Variants in TM9SF2 observed in about 807,000 individuals in gnomAD.
TM9SF2 encodes the protein transmembrane 9 superfamily member 2.
TM9SF2 carries 13 observed loss-of-function variants against 84.9 expected under a neutral mutation model. That is an observed-to-expected ratio of 0.15 (90% CI 0.10 to 0.24). The LOEUF is 0.24. Among genes scored for constraint, TM9SF2 ranks in the 10% least tolerant of loss-of-function variants. The pLI, the probability that TM9SF2 is intolerant of heterozygous loss-of-function variation, is 1.00. For synonymous variants in TM9SF2, 273 were observed against 285.8 expected (o/e 0.96, Z 0.45); for missense variants, 562 against 818.5 (o/e 0.69, Z 3.82).
At chr13:99,538,840 A>T (rs1566569723) in intron 6 of TM9SF2, among the ~76,000 whole-genome samples, 1 of 152,100 alleles carries the variant, frequency 6.6e-6, no homozygotes, top group African/African-American at 2.4e-5. Context: ...TTGAAGCTGC[A>T]GTGAGCCAAG....
At chr13:99,548,885 G>T (rs1268365559) in intron 11 of TM9SF2, among the ~76,000 whole-genome samples, 1 of 152,178 alleles carries the variant, frequency 6.6e-6, no homozygotes, top group African/African-American at 2.4e-5. Context: ...ACTGGCTCAG[G>T]ATTTAAGGAT....
intron 4 of TM9SF2, among the ~76,000 whole-genome samples, chr13:99,531,263 G>A (rs2046207839): frequency 1.3e-5 from 2 of 152,158 alleles, no homozygotes; most frequent in South Asian, 4.1e-4. Flanking sequence ...ATTCTGTGGG[G>A]ATCATAGTTT....
chr13:99,519,697 A>G (rs1441642054), intron 2 of TM9SF2: 2 of 173,882 alleles, frequency 1.2e-5, no homozygotes, highest in South Asian at 1.4e-4. Context: ...TAGCAAGGAG[A>G]TAAGTTATGC....
intron 3 of TM9SF2, among the ~76,000 whole-genome samples, chr13:99,525,529 C>T (rs996076064): frequency 8.6e-5 from 13 of 150,932 alleles, no homozygotes; most frequent in African/African-American, 1.9e-4. Context: ...CCAAGGCACC[C>T]GCCCCAAAGA....
chr13:99,514,330 G>A lies in TM9SF2; in HGVS notation c.172-3284G>A, dbSNP rs1420465597. The A allele has an allele frequency of 2.0e-5, 3 of 152,222 alleles. No individual in the cohort carries two copies. In the East Asian group the frequency reaches 5.8e-4, roughly 29 times the overall value. The allele number at this position is 152,222 out of a possible 1,614,324, so 9.4% of individuals were successfully genotyped here. ...GTTCTATTCATGGTAAGTGCCCTAT[G>A]CAGGTGTAACATTTTCTCCTTTTAG... On this transcript the variant is annotated intron_variant, in intron 1 of 16. Transcript: ENST00000376387.
intron 1 of TM9SF2, among the ~76,000 whole-genome samples, chr13:99,502,074 TG>T (rs1319346630): frequency 6.6e-6 from 1 of 152,130 alleles, no homozygotes; most frequent in African/African-American, 2.4e-5. Context: ...GGAGCGCCCT[TG>T]GAGTTGGGCT....
At chr13:99,538,156 G>T (rs1188965114) in intron 6 of TM9SF2, among the ~76,000 whole-genome samples, 1 of 152,180 alleles carries the variant, frequency 6.6e-6, no homozygotes, top group Non-Finnish European at 1.5e-5. Context: ...GAGTGGTTGG[G>T]ACAGTGGTCC....
At chr13:99,527,214 C>T (rs2046187482) in intron 3 of TM9SF2, among the ~76,000 whole-genome samples, 1 of 152,082 alleles carries the variant, frequency 6.6e-6, no homozygotes, top group South Asian at 2.1e-4. Context: ...GGGTAGAGGG[C>T]ATAATGGGAT....
At chr13:99,562,023 C>G (rs530931213) in intron 16 of TM9SF2, among the ~76,000 whole-genome samples, 18 of 152,278 alleles carry the variant, frequency 1.2e-4, no homozygotes, top group African/African-American at 4.3e-4. Flanking sequence ...ACATAATAGT[C>G]TATGGAGGCA....
At chr13:99,508,525 T>C (rs2046099654) in intron 1 of TM9SF2, among the ~76,000 whole-genome samples, 1 of 151,960 alleles carries the variant, frequency 6.6e-6, no homozygotes. Context: ...ATTAGGCTGT[T>C]CTTGTGTTGC....
chr13:99,522,286 G>A (rs1249812369), intron 3 of TM9SF2, among the ~76,000 whole-genome samples: 2 of 152,212 alleles, frequency 1.3e-5, no homozygotes, highest in African/African-American at 4.8e-5. Flanking sequence ...CTCACAAAGT[G>A]CTGAGATTAC....
At chr13:99,502,485 C>T (rs1234335292) in intron 1 of TM9SF2, among the ~76,000 whole-genome samples, 1 of 152,156 alleles carries the variant, frequency 6.6e-6, no homozygotes, top group Non-Finnish European at 1.5e-5. Context: ...TCACTATTTT[C>T]TCTGAGATGG....
intron 3 of TM9SF2, 75 bp from the exon 4 acceptor site, chr13:99,529,392 T>G: frequency 7.4e-7 from 1 of 1,357,880 alleles, no homozygotes; most frequent in East Asian, 2.7e-5. Context: ...CCAGCACTTT[T>G]ACTCTATTTG....
At chr13:99,541,441 C>G in intron 8 of TM9SF2, 118 bp from the exon 9 acceptor site, 1 of 656,482 alleles carries the variant, frequency 1.5e-6, no homozygotes, top group Admixed American at 3.2e-5. Context: ...TTTCAGATAG[C>G]TTTCATTTTG....
intron 4 of TM9SF2, among the ~76,000 whole-genome samples, chr13:99,531,385 T>C (rs770665122): frequency 2.6e-5 from 4 of 152,182 alleles, no homozygotes; most frequent in African/African-American, 9.7e-5. Flanking sequence ...TTAGATCACA[T>C]TGTTTGCTCA....
intron 16 of TM9SF2, among the ~76,000 whole-genome samples, chr13:99,560,839 GC>G (rs2139116074): frequency 6.6e-6 from 1 of 152,082 alleles, no homozygotes; most frequent in South Asian, 2.1e-4. Context: ...CCGCCACTGC[GC>G]CCGGCTAATT....
At chr13:99,559,610 T>G in intron 16 of TM9SF2, 76 bp downstream of exon 16, 1 of 1,371,516 alleles carries the variant, frequency 7.3e-7, no homozygotes, top group East Asian at 2.5e-5. Flanking sequence ...TTGTCTTTTT[T>G]AAAACCCATG....
At chr13:99,535,222 A>G (rs945067537) in intron 4 of TM9SF2, among the ~76,000 whole-genome samples, 1 of 152,164 alleles carries the variant, frequency 6.6e-6, no homozygotes, top group Admixed American at 6.5e-5. Context: ...AATGCTTCCT[A>G]TTACCAGAAA....
At chr13:99,505,488 A>G (rs1054981836) in intron 1 of TM9SF2, among the ~76,000 whole-genome samples, 1 of 152,146 alleles carries the variant, frequency 6.6e-6, no homozygotes, top group African/African-American at 2.4e-5. Context: ...TTTCATTGCT[A>G]TTGAAATTTC....
Sources: gnomAD v4.1 joint callset for allele counts (sites outside exome capture counted in the v4.1 genomes callset) on GRCh38, gnomAD v4.1.1 for gene constraint, MANE v1.5 for transcripts, NCBI Gene and HGNC (gene_info 2026-07-23, HGNC 2026-07-21) for gene names.